The following NEO1 variants were observed in gnomAD, a reference collection of about 807,000 sequenced individuals.
The protein encoded by NEO1 is neogenin 1, also known as neogenin.
Under a neutral mutation model 159.7 loss-of-function variants are expected in NEO1, and 63 were observed. That is an observed-to-expected ratio of 0.39 (90% CI 0.32 to 0.49). The LOEUF is 0.49. Among genes scored for constraint, NEO1 ranks in the 20% least tolerant of loss-of-function variants. NEO1 has a pLI of 0.85. For missense variants in NEO1, 1,615 were observed against 1,831.0 expected (o/e 0.88, Z 2.15); for synonymous variants, 633 against 662.0 (o/e 0.96, Z 0.67).
At chr15:73,165,840 A>G (rs1215942536) in intron 5 of NEO1, among the ~76,000 whole-genome samples, 4 of 152,200 alleles carry the variant, frequency 2.6e-5, no homozygotes, top group Non-Finnish European at 5.9e-5. Context: ...AGAATTTCTG[A>G]TAGCTCTACC....
At chr15:73,069,001 G>A (rs905264990) in intron 1 of NEO1, among the ~76,000 whole-genome samples, 2 of 150,080 alleles carry the variant, frequency 1.3e-5, no homozygotes, top group African/African-American at 4.9e-5. Context: ...CACCTAGGCT[G>A]GAGTGCAATG....
chr15:73,116,748 T>C lies in NEO1; in HGVS notation c.339T>C (p.Asn113=). 6.2e-7 allele frequency: 1 copy of C among 1,614,068 alleles called. No homozygotes were observed. Among genetic ancestry groups the C allele is most frequent in the Non-Finnish European group, 8.5e-7 (1 of 1,179,928 alleles). Residue 113 remains asparagine, a synonymous_variant, in exon 2 of 29, where the codon AAT becomes AAC. Coordinates refer to ENST00000261908, the MANE Select transcript of NEO1 (RefSeq NM_002499.4). The part of the protein sequence containing the change: ...LLPDGSLFIS[N]VVHSKHNKPD... The stretch of plus-strand genomic sequence containing the variant: ...CGGATGGATCTTTATTTATCAGCAA[T>C]GTGGTGCATTCCAAACACAATAAAC...
At chr15:73,227,575 T>TA (rs1018129670) in intron 7 of NEO1, among the ~76,000 whole-genome samples, 5 of 152,164 alleles carry the variant, frequency 3.3e-5, no homozygotes, top group Admixed American at 2.6e-4. Flanking sequence ...TTCTGCTACT[T>TA]ACAACCCTGT....
chr15:73,298,312 A>T (rs777193855), intron 26 of NEO1, 36 bp from the exon 27 acceptor site: 1 of 1,609,786 alleles, frequency 6.2e-7, no homozygotes, highest in South Asian at 1.1e-5. Flanking sequence ...ATTTAATGGC[A>T]AAAGAAATGC....
intron 7 of NEO1, among the ~76,000 whole-genome samples, chr15:73,184,113 C>G (rs1337538900): frequency 6.6e-6 from 1 of 152,036 alleles, no homozygotes; most frequent in Non-Finnish European, 1.5e-5. Context: ...AGAAAATATA[C>G]CATTCAAATT....
At chr15:73,209,976 C>A (rs2037462512) in intron 7 of NEO1, among the ~76,000 whole-genome samples, 1 of 152,130 alleles carries the variant, frequency 6.6e-6, no homozygotes, top group Non-Finnish European at 1.5e-5. Flanking sequence ...GCACTCCAGC[C>A]TGGGCAACAA....
chr15:73,145,311 T>TG (rs1567307012), intron 5 of NEO1, among the ~76,000 whole-genome samples: 2 of 152,304 alleles, frequency 1.3e-5, no homozygotes, highest in East Asian at 3.9e-4. Flanking sequence ...CAAAATTATA[T>TG]GGGGATTCTC....
chr15:73,133,226 G>T (rs1163987862), intron 4 of NEO1, among the ~76,000 whole-genome samples: 2 of 151,838 alleles, frequency 1.3e-5, no homozygotes, highest in Admixed American at 6.6e-5. Context: ...CAATAAAAAG[G>T]AATGAAATAA....
At chr15:73,178,152 A>G (rs972117767) in intron 6 of NEO1, among the ~76,000 whole-genome samples, 155 bp from the exon 7 acceptor site, 2 of 152,212 alleles carry the variant, frequency 1.3e-5, no homozygotes, top group African/African-American at 4.8e-5. Context: ...ATGCTTTAGT[A>G]TGAAATTGAG....
At chr15:73,069,143 T>TTG (rs1415918401) in intron 1 of NEO1, among the ~76,000 whole-genome samples, 1 of 150,210 alleles carries the variant, frequency 6.7e-6, no homozygotes, top group Non-Finnish European at 1.5e-5. Context: ...TTTTTTTTTT[T>TTG]GTAGAGACAG....
intron 4 of NEO1, among the ~76,000 whole-genome samples, chr15:73,127,172 A>C (rs1196584203): frequency 6.6e-6 from 1 of 150,940 alleles, no homozygotes; most frequent in Non-Finnish European, 1.5e-5. Flanking sequence ...CGAAGGTTGC[A>C]GTGACCTGAG....
intron 4 of NEO1, among the ~76,000 whole-genome samples, chr15:73,131,035 C>T (rs1169632874): frequency 1.3e-5 from 2 of 152,126 alleles, no homozygotes; most frequent in African/African-American, 4.8e-5. Context: ...ACTACCCCCA[C>T]CTGACAGTAA....
intron 1 of NEO1, among the ~76,000 whole-genome samples, chr15:73,090,622 A>T (rs996435554): frequency 2.0e-5 from 3 of 152,196 alleles, no homozygotes; most frequent in African/African-American, 7.2e-5. Context: ...AACTATTACA[A>T]TTCTTAACAT....
chr15:73,273,035 C>CTTT (rs1340032778), intron 19 of NEO1, among the ~76,000 whole-genome samples: 9 of 148,194 alleles, frequency 6.1e-5, no homozygotes, highest in Admixed American at 5.4e-4. Context: ...AGACCTGCTA[C>CTTT]TTCAAGTACC....
intron 7 of NEO1, among the ~76,000 whole-genome samples, chr15:73,215,291 C>G (rs1390960378): frequency 6.6e-6 from 1 of 152,052 alleles, no homozygotes; most frequent in African/African-American, 2.4e-5. Flanking sequence ...TCTGATTTCT[C>G]TGGCTAGGAC....
At chr15:73,286,531 G>A (rs2041956380) in intron 23 of NEO1, among the ~76,000 whole-genome samples, 1 of 152,062 alleles carries the variant, frequency 6.6e-6, no homozygotes, top group South Asian at 2.1e-4. Context: ...CGTGGCTTCA[G>A]CATTCCAGCT....
Position 73,279,351 on chromosome 15 carries a change from G to GT in NEO1, c.3262+1167dup, listed in dbSNP as rs869029902. 5.6e-4 allele frequency among the ~76,000 whole-genome samples: 67 copies of GT among 119,344 alleles called. 1 individual carries two copies. The highest frequency in any genetic ancestry group is 1.4e-3 in the African/African-American group (47 of 33,542). 78.3% of individuals were successfully genotyped at this position (119,344 alleles called of 152,430 possible). A position where few individuals can be genotyped will look rare whatever the true frequency, so the allele number is the denominator to read the frequency against. On this transcript the variant is annotated intron_variant, in intron 22 of 28. Transcript: ENST00000261908. The stretch of plus-strand genomic sequence containing the variant: ...ATGTTTTTTTGTTGTTTTGGTTTTG[G>GT]TTTTTTTTTTTTTTTGAGATGGAAT...
intron 7 of NEO1, among the ~76,000 whole-genome samples, chr15:73,225,487 G>A (rs2038531285): frequency 6.6e-6 from 1 of 152,122 alleles, no homozygotes; most frequent in African/African-American, 2.4e-5. Flanking sequence ...TGCGGCTGCT[G>A]TGGAGGATGG....
At chr15:73,300,580 AGTTAGCCGG>A (rs2042574097) in intron 27 of NEO1, among the ~76,000 whole-genome samples, 1 of 152,198 alleles carries the variant, frequency 6.6e-6, no homozygotes, top group Admixed American at 6.5e-5. Flanking sequence ...AAATACAAAA[AGTTAGCCGG>A]GTGTGGTAGC....
Sources: gnomAD v4.1 joint callset for allele counts (sites outside exome capture counted in the v4.1 genomes callset) on GRCh38, gnomAD v4.1.1 for gene constraint, MANE v1.5 for transcripts, NCBI Gene and HGNC (gene_info 2026-07-23, HGNC 2026-07-21) for gene names.